Variants in TRMO observed in about 807,000 individuals in gnomAD.
TRMO encodes tRNA methyltransferase O, also known as tRNA (adenine(37)-N6)-methyltransferase.
Under a neutral mutation model 37.2 loss-of-function variants are expected in TRMO, and 30 were observed. The ratio of observed to expected loss-of-function variants is 0.81; its 90% CI spans 0.60 to 1.09. TRMO has a LOEUF of 1.09. Ranked by LOEUF, TRMO falls within the 50% of genes least tolerant of loss-of-function variation. TRMO has a pLI of 0.00. For missense variants in TRMO, 552 were observed against 549.5 expected, an observed-to-expected ratio of 1.00 and a Z score of -0.05; for synonymous variants, 239 against 199.4, an observed-to-expected ratio of 1.20 and a Z score of -1.67.
intron 3 of TRMO, chr9:97,910,905 C>G (rs1183955739): frequency 3.5e-6 from 2 of 566,876 alleles, no homozygotes; most frequent in South Asian, 1.6e-5. Context: ...CATAGAGAAG[C>G]CTGTGCACAA....
intron 2 of TRMO, chr9:97,915,895 G>T: frequency 3.7e-6 from 1 of 267,628 alleles, no homozygotes; most frequent in Non-Finnish European, 7.0e-6. Context: ...AAAAGAATTA[G>T]CCAGGCATGG....
At chr9:97,899,430 GTATT>G in the TRMO span, among the ~76,000 whole-genome samples, 20 of 149,492 alleles carry the variant, frequency 1.3e-4, no homozygotes, top group Middle Eastern at 3.4e-3. Context: ...TTTTATGTAC[GTATT>G]TATTTATTTA....
chr9:97,906,834 T>A, intron 4 of TRMO, among the ~76,000 whole-genome samples: 2 of 96,654 alleles, frequency 2.1e-5, no homozygotes. Flanking sequence ...AGAGTAAGAC[T>A]CCGTCTCAAA....
the TRMO span, among the ~76,000 whole-genome samples, chr9:97,898,014 C>A: frequency 6.6e-6 from 1 of 152,176 alleles, no homozygotes; most frequent in Admixed American, 6.5e-5. Context: ...TAGGCACACA[C>A]CAGCACGCTT....
downstream of TRMO, chr9:97,904,444 C>G (rs185747371): frequency 6.0e-5 from 69 of 1,158,632 alleles, no homozygotes; most frequent in Admixed American, 6.4e-4. Flanking sequence ...CTAATTTTAT[C>G]AAGTGCACCA....
At chr9:97,911,143 G>A (rs1826107621) in intron 3 of TRMO, 2 of 279,282 alleles carry the variant, frequency 7.2e-6, no homozygotes, top group South Asian at 5.8e-5. Context: ...ACCTCCTGAA[G>A]TTCATGCCCT....
chr9:97,908,615 C>A (rs1825970643), intron 4 of TRMO, among the ~76,000 whole-genome samples: 1 of 152,028 alleles, frequency 6.6e-6, no homozygotes, highest in Non-Finnish European at 1.5e-5. Flanking sequence ...AGTAACAACA[C>A]TCCAAGCCTG....
downstream of TRMO, chr9:97,904,391 T>A (rs966342117): frequency 1.4e-6 from 1 of 715,700 alleles, no homozygotes; most frequent in African/African-American, 1.9e-5. Context: ...AATTACTGAA[T>A]AGATCCCCTC....
downstream of TRMO, among the ~76,000 whole-genome samples, chr9:97,900,531 TG>T (rs1831145823): frequency 6.6e-6 from 1 of 152,236 alleles, no homozygotes; most frequent in African/African-American, 2.4e-5. Context: ...CTGAATCATA[TG>T]GAACTGCTGA....
chr9:97,910,407 C>T lies in TRMO; in HGVS notation c.619G>A (p.Asp207Asn), dbSNP rs1826063425. The T allele has an allele frequency of 1.9e-6, 3 of 1,614,064 alleles. No individual in the cohort carries two copies. Among genetic ancestry groups the T allele is most frequent in the South Asian group, 2.2e-5 (2 of 91,092 alleles). The change falls in exon 4 of 5, where the codon GAT (aspartate) becomes AAT (asparagine). Residue 207 changes from aspartate to asparagine, a missense_variant. Asp to Asn is a conservative substitution (Grantham distance 23, BLOSUM62 1). Coordinates refer to ENST00000375119, the MANE Select transcript of TRMO (RefSeq NM_016481.5). ...GTGCTATGGTGGGGTTGTGGCTCAT[C>T]ACACCCTGAGAGCTGTCGCTGGTCA... ...SCDQRQLSGC[D>N]EPQPHHSTKR... is the part of the protein sequence containing the mutation.
rs1451042039 is a variant in TRMO, at chr9:97,921,045, T to C, written c.76+1373A>G. 2.6e-5 allele frequency among the ~76,000 whole-genome samples: 4 copies of C among 152,232 alleles called. No individual in the cohort carries two copies. In the East Asian group the frequency reaches 7.7e-4, roughly 29 times the overall value. The stretch of plus-strand genomic sequence containing the variant: ...CCTGGCTTCTGCGTTTTCCTTCCTG[T>C]CAAAATATGAGACCTGTAATCGGCA... On this transcript the variant is annotated intron_variant, in intron 1 of 4. Coordinates refer to ENST00000375119, the MANE Select transcript of TRMO (RefSeq NM_016481.5).
At chr9:97,912,856 T>A in intron 3 of TRMO, 2 of 1,201,912 alleles carry the variant, frequency 1.7e-6, no homozygotes, top group Non-Finnish European at 1.1e-6. Flanking sequence ...TTAAAACTAG[T>A]TTAAAACTTC....
At chr9:97,909,036 C>T (rs1476877667) in intron 4 of TRMO, among the ~76,000 whole-genome samples, 1 of 152,174 alleles carries the variant, frequency 6.6e-6, no homozygotes, top group Non-Finnish European at 1.5e-5. Context: ...CTCACTGTAA[C>T]CTCTGCCTCC....
At chr9:97,913,065 C>A in intron 3 of TRMO, 1 of 582,168 alleles carries the variant, frequency 1.7e-6, no homozygotes. Context: ...GGAAAGTGTC[C>A]ATTTATTTTT....
At chr9:97,910,733 C>T (rs901531440) in intron 3 of TRMO, 117 bp from the exon 4 acceptor site, 1 of 1,188,480 alleles carries the variant, frequency 8.4e-7, no homozygotes, top group Non-Finnish European at 1.2e-6. Context: ...TCATAATTCT[C>T]TCACACAGAC....
chr9:97,914,208 C>T (rs1204065512), intron 2 of TRMO, among the ~76,000 whole-genome samples: 1 of 151,978 alleles, frequency 6.6e-6, no homozygotes, highest in African/African-American at 2.4e-5. Flanking sequence ...AAGGACAACC[C>T]AATATAGGAC....
chr9:97,904,184 C>T (rs968818626), downstream of TRMO, among the ~76,000 whole-genome samples: 1 of 152,142 alleles, frequency 6.6e-6, no homozygotes, highest in African/African-American at 2.4e-5. Flanking sequence ...CAGAGAGTCT[C>T]TATTTTAGAA....
chr9:97,905,583 T>C (rs866617962), intron 4 of TRMO, among the ~76,000 whole-genome samples: 1 of 67,700 alleles, frequency 1.5e-5, no homozygotes, highest in Non-Finnish European at 2.4e-5. Context: ...ATTTTTAATG[T>C]ATTTTATTTT....
At position 97,904,839 on chromosome 9, in the gene TRMO, G is replaced by A. The variant is rs770240609; in HGVS notation, c.1220C>T (p.Thr407Ile). The change falls in exon 5 of 5, where the codon ACT becomes ATT. Residue 407 changes from threonine (T) to isoleucine (I), a missense_variant. Thr to Ile is a moderately conservative substitution (Grantham distance 89). Transcript: ENST00000375119. The stretch of plus-strand genomic sequence containing the variant: ...TGCAAAGCCATCACCAAACCAGCAA[G>A]TGACATGCGCTATGTCTACAGTAAA... ...FYFTVDIAHV[T>I]CWFGDGFAEV... 121 of 1,614,082 alleles carry A rather than the reference G, an allele frequency of 7.5e-5. No homozygotes were observed. Among genetic ancestry groups the A allele is most frequent in the Non-Finnish European group, 1.0e-4 (120 of 1,180,050 alleles).
Sources: allele counts gnomAD v4.1 joint callset (sites outside exome capture counted in the v4.1 genomes callset), GRCh38; gene constraint gnomAD v4.1.1; transcripts MANE v1.5; gene names NCBI Gene and HGNC (gene_info 2026-07-23, HGNC 2026-07-21).